LHPP: variants seen among roughly 807,000 people sequenced by gnomAD.
LHPP encodes hLHPP.
A neutral mutation model predicts 30.3 loss-of-function variants in LHPP; 24 were observed. The ratio of observed to expected loss-of-function variants is 0.79; its 90% CI spans 0.57 to 1.11. The LOEUF (loss-of-function observed/expected upper bound fraction) is 1.11, where lower values mean the gene tolerates loss of function less well. LHPP is among the 50% of genes most tolerant of loss of function. LHPP has a pLI of 0.00. For synonymous variants in LHPP, 150 were observed against 157.1 expected (o/e 0.95, Z 0.34); for missense variants, 356 against 367.2 (o/e 0.97, Z 0.25).
At chr10:124,538,284 T>C (rs1955089314) in intron 6 of LHPP, among the ~76,000 whole-genome samples, 1 of 152,100 alleles carries the variant, frequency 6.6e-6, no homozygotes, top group Non-Finnish European at 1.5e-5. Context: ...CTCCCTGGGG[T>C]CTGTAAGCCT....
intron 6 of LHPP, among the ~76,000 whole-genome samples, chr10:124,518,966 C>G (rs1178498790): frequency 1.3e-5 from 2 of 152,292 alleles, no homozygotes; most frequent in East Asian, 3.9e-4. Flanking sequence ...TTTTTTGAGA[C>G]AGAGTCTCCC....
intron 2 of LHPP, among the ~76,000 whole-genome samples, chr10:124,487,236 T>G (rs976707974): frequency 7.9e-5 from 12 of 152,178 alleles, no homozygotes; most frequent in African/African-American, 1.2e-4. Context: ...GCAGCGAAAT[T>G]ACTGGGTCAT....
intron 6 of LHPP, among the ~76,000 whole-genome samples, chr10:124,580,509 G>A (rs1948729513): frequency 6.6e-6 from 1 of 152,074 alleles, no homozygotes; most frequent in Non-Finnish European, 1.5e-5. Flanking sequence ...TCACTTTTGA[G>A]TAGTCCACCT....
chr10:124,584,363 CAA>C (rs71484569), intron 6 of LHPP, among the ~76,000 whole-genome samples: 1,707 of 98,354 alleles, frequency 0.017, 31 homozygotes, highest in African/African-American at 0.056. Context: ...GACTCTGTCT[CAA>C]AAAAAAAAAA....
intron 6 of LHPP, among the ~76,000 whole-genome samples, chr10:124,584,367 A>G (rs1441729436): frequency 1.3e-5 from 2 of 151,012 alleles, no homozygotes; most frequent in Non-Finnish European, 3.0e-5. Context: ...CTGTCTCAAA[A>G]AAAAAAAAAA....
intron 6 of LHPP, among the ~76,000 whole-genome samples, chr10:124,569,879 G>A (rs897575400): frequency 1.3e-5 from 2 of 152,126 alleles, no homozygotes; most frequent in Admixed American, 6.5e-5. Context: ...TTGCACACAC[G>A]TACACCCGTG....
chr10:124,466,560 G>A (rs904842351), intron 1 of LHPP, among the ~76,000 whole-genome samples: 1 of 152,102 alleles, frequency 6.6e-6, no homozygotes, highest in Non-Finnish European at 1.5e-5. Context: ...GGGTTCAAGT[G>A]ATTATCCTGC....
At position 124,613,433 on chromosome 10, in the gene LHPP, TCTC is replaced by T. The variant is rs1949230411; in HGVS notation, c.*78_*80del. On this transcript the variant is annotated 3_prime_UTR_variant, in exon 7 of 7. Transcript: ENST00000368842. Reference sequence around the variant, plus strand: ...CCCCTGCCTCCCCTCCACCCCTGCCTCTCCTCCACCCGCCCAGGAGAGCCCCAC... The same window carrying T: ...CCCCTGCCTCCCCTCCACCCCTGCCTCTCCACCCGCCCAGGAGAGCCCCAC... 1.5e-6 allele frequency: 1 copy of T among 656,092 alleles called. No homozygotes were observed. The highest frequency in any genetic ancestry group is 4.9e-5 in the African/African-American group (1 of 20,508). The allele number at this position is 656,092 out of a possible 1,614,324, so 40.6% of individuals were successfully genotyped here.
intron 6 of LHPP, among the ~76,000 whole-genome samples, chr10:124,586,902 T>TG (rs1837933387): frequency 6.6e-6 from 1 of 152,194 alleles, no homozygotes; most frequent in African/African-American, 2.4e-5. Context: ...TATTTATATA[T>TG]GTGTGCATAG....
At chr10:124,574,227 A>T (rs1948627644) in intron 6 of LHPP, among the ~76,000 whole-genome samples, 1 of 152,336 alleles carries the variant, frequency 6.6e-6, no homozygotes, top group East Asian at 1.9e-4. Flanking sequence ...TGACATATGG[A>T]TCTCAGCGCG....
At chr10:124,497,856 G>A (rs1039799530) in intron 4 of LHPP, among the ~76,000 whole-genome samples, 180 bp from the exon 5 acceptor site, 7 of 152,240 alleles carry the variant, frequency 4.6e-5, no homozygotes, top group South Asian at 2.1e-4. Context: ...TGAGTGACCC[G>A]GGCAGCCCTT....
intron 3 of LHPP, among the ~76,000 whole-genome samples, chr10:124,489,547 C>T (rs1343721569): frequency 9.9e-5 from 15 of 152,128 alleles, no homozygotes; most frequent in African/African-American, 2.2e-4. Context: ...CTCTCCCTCC[C>T]GGGTTCAAGC....
chr10:124,527,829 G>A (rs1272726846), intron 6 of LHPP, among the ~76,000 whole-genome samples: 1 of 151,924 alleles, frequency 6.6e-6, no homozygotes, highest in Non-Finnish European at 1.5e-5. Context: ...TTCCTAGGTG[G>A]GAGTGCAGTG....
chr10:124,470,378 G>C (rs932227516), intron 1 of LHPP, among the ~76,000 whole-genome samples: 1 of 147,624 alleles, frequency 6.8e-6, no homozygotes, highest in African/African-American at 2.4e-5. Context: ...TCCCACCCAG[G>C]ACCGCCCCGA....
At chr10:124,579,522 C>T (rs1316370918) in intron 6 of LHPP, among the ~76,000 whole-genome samples, 5 of 152,164 alleles carry the variant, frequency 3.3e-5, no homozygotes, top group Non-Finnish European at 5.9e-5. Context: ...GACATGTAGG[C>T]GGTTTCCAGT....
At chr10:124,608,065 A>G (rs990282675) in intron 6 of LHPP, among the ~76,000 whole-genome samples, 2 of 152,134 alleles carry the variant, frequency 1.3e-5, no homozygotes, top group African/African-American at 4.8e-5. Flanking sequence ...GCCTCGGCGT[A>G]GGAGTGAGCC....
chr10:124,558,679 G>A (rs895398011), intron 6 of LHPP, among the ~76,000 whole-genome samples: 9 of 152,202 alleles, frequency 5.9e-5, no homozygotes, highest in African/African-American at 1.9e-4. Context: ...AATGTGGAAC[G>A]CACGGGCTCA....
chr10:124,500,487 G>C lies in LHPP; in HGVS notation c.624+2359G>C, dbSNP rs1953866425. Among the ~76,000 whole-genome samples the C allele has an allele frequency of 4.6e-5, 7 of 151,950 alleles. No individual in the cohort carries two copies. The South Asian group carries it at 1.4e-3, about 31-fold the overall frequency. On this transcript the variant is annotated intron_variant, in intron 5 of 6. Transcript: ENST00000368842. ...ACTCTATTTCCAAGTAATAGTAATA[G>C]TAATGATAATAATAAATTTACTTAT...
intron 6 of LHPP, among the ~76,000 whole-genome samples, chr10:124,553,668 C>G (rs1948226146): frequency 6.6e-6 from 1 of 152,074 alleles, no homozygotes; most frequent in Non-Finnish European, 1.5e-5. Flanking sequence ...ACCGTGTTAG[C>G]CAGGATGGTC....
Sources: gnomAD v4.1 joint callset for allele counts (sites outside exome capture counted in the v4.1 genomes callset) on GRCh38, gnomAD v4.1.1 for gene constraint, MANE v1.5 for transcripts, NCBI Gene and HGNC (gene_info 2026-07-23, HGNC 2026-07-21) for gene names.